TSHR: variants seen among roughly 807,000 people sequenced by gnomAD.
TSHR encodes the protein thyrotropin receptor.
TSHR carries 51 observed loss-of-function variants against 64.1 expected under a neutral mutation model. That is an observed-to-expected ratio of 0.80 (90% confidence interval 0.64 to 1.01). The LOEUF (loss-of-function observed/expected upper bound fraction) is 1.01, where lower values mean the gene tolerates loss of function less well. Ranked by LOEUF, TSHR falls within the 50% of genes least tolerant of loss-of-function variation. The probability of loss-of-function intolerance (pLI) is 0.00; values close to 1 mark genes in which losing one functional copy is unlikely to be tolerated. For synonymous variants in TSHR, 361 were observed against 361.9 expected, an observed-to-expected ratio of 1.00 and a Z score of 0.03; for missense variants, 877 against 942.8, an observed-to-expected ratio of 0.93 and a Z score of 0.91.
At chr14:81,076,596 C>T (rs539569846) in intron 3 of TSHR, among the ~76,000 whole-genome samples, 2 of 152,242 alleles carry the variant, frequency 1.3e-5, no homozygotes, top group East Asian at 3.9e-4. Context: ...TGATGCAAAT[C>T]CCAAATACCT....
intron 8 of TSHR, among the ~76,000 whole-genome samples, chr14:81,109,896 T>C (rs1890149911): frequency 6.6e-6 from 1 of 152,254 alleles, no homozygotes; most frequent in Admixed American, 6.5e-5. Flanking sequence ...TAACCTTTTC[T>C]GTGATAAAGT....
chr14:81,104,109 T>C, intron 7 of TSHR: 1 of 985,458 alleles, frequency 1.0e-6, no homozygotes, highest in Non-Finnish European at 1.2e-6. Context: ...GGATATACTC[T>C]AAGGCTGACT....
At chr14:80,999,665 G>A (rs914212754) in intron 1 of TSHR, among the ~76,000 whole-genome samples, 10 of 152,052 alleles carry the variant, frequency 6.6e-5, no homozygotes, top group African/African-American at 1.7e-4. Context: ...TTGCCAACTC[G>A]TTCTCTGGGT....
chr14:81,042,794 A>G (rs567489997), intron 1 of TSHR, among the ~76,000 whole-genome samples: 18 of 152,242 alleles, frequency 1.2e-4, no homozygotes, highest in African/African-American at 4.3e-4. Flanking sequence ...AGTGTTTTCA[A>G]TGTTCTCACA....
rs1887826294 is a variant in TSHR at position 80,975,603 on chromosome 14, C to G, written c.170+19753C>G. 2.0e-5 allele frequency among the ~76,000 whole-genome samples: 3 copies of G among 152,210 alleles called. No homozygotes were observed. The South Asian group carries it at 6.2e-4, about 32-fold the overall frequency. ...TCTGATTTTTTTACTCCCCATTCAC[C>G]ATTTAGCTTGGTGCAATCTGGCTTT... On this transcript the variant is annotated intron_variant, in intron 1 of 9. Coordinates refer to ENST00000298171, the MANE Select transcript of TSHR (RefSeq NM_000369.5).
rs575023413 is a variant in TSHR, at chr14:81,141,086, A to G, written c.881+1219A>G. 7.3e-4 allele frequency among the ~76,000 whole-genome samples: 111 copies of G among 152,364 alleles called. 1 individual carries two copies. The highest frequency in any genetic ancestry group is 1.0e-3 in the South Asian group (5 of 4,826). The stretch of plus-strand genomic sequence containing the variant: ...GGTTGCAGTGAGCCGAGATCGTGCC[A>G]GTGCACTCCAGCCTGGGCAACAAAG... On this transcript the variant is annotated intron_variant, in intron 9 of 9. Coordinates refer to ENST00000298171, the MANE Select transcript of TSHR (RefSeq NM_000369.5).
chr14:81,013,914 GGTGA>G (rs1383333405), intron 1 of TSHR: 1 of 152,054 alleles, frequency 6.6e-6, no homozygotes, highest in African/African-American at 2.4e-5. Flanking sequence ...AACCTTATGG[GGTGA>G]TGGGATTTAT....
chr14:81,063,468 A>G (rs1886382983), intron 2 of TSHR, among the ~76,000 whole-genome samples: 1 of 152,150 alleles, frequency 6.6e-6, no homozygotes, highest in South Asian at 2.1e-4. Flanking sequence ...CATATCCAAA[A>G]TAAACACATC....
At chr14:81,089,023 G>C (rs1888511746) in intron 4 of TSHR, among the ~76,000 whole-genome samples, 2 of 136,052 alleles carry the variant, frequency 1.5e-5, no homozygotes, top group Admixed American at 7.9e-5. Flanking sequence ...GTCTTGCTCT[G>C]TTGCCCCAGG....
At chr14:81,123,909 CT>C (rs1420379153) in intron 8 of TSHR, among the ~76,000 whole-genome samples, 1 of 151,930 alleles carries the variant, frequency 6.6e-6, no homozygotes, top group Non-Finnish European at 1.5e-5. Flanking sequence ...ACCTTGTTTT[CT>C]TTTTATCTTA....
chr14:81,102,159 G>C (rs1463446987), intron 7 of TSHR, among the ~76,000 whole-genome samples: 1 of 147,314 alleles, frequency 6.8e-6, no homozygotes, highest in Non-Finnish European at 1.5e-5. Flanking sequence ...GAGACTGAGA[G>C]AGACTCCATC....
chr14:81,041,605 C>T (rs887935413), intron 1 of TSHR, among the ~76,000 whole-genome samples: 20 of 152,048 alleles, frequency 1.3e-4, no homozygotes, highest in African/African-American at 4.8e-4. Context: ...ATAATCTGTA[C>T]AACAAACCCC....
chr14:81,124,508 C>T (rs1890936633), intron 8 of TSHR, among the ~76,000 whole-genome samples: 1 of 152,112 alleles, frequency 6.6e-6, no homozygotes, highest in Non-Finnish European at 1.5e-5. Flanking sequence ...CACCCCACCT[C>T]CCATAGACAT....
chr14:81,101,674 G>A (rs914370808), intron 7 of TSHR, among the ~76,000 whole-genome samples: 6 of 152,106 alleles, frequency 3.9e-5, no homozygotes, highest in African/African-American at 1.2e-4. Flanking sequence ...TGAACAGGAC[G>A]TCACCCCAAC....
chr14:81,145,616 G>A lies in TSHR; in HGVS notation c.*1263G>A, dbSNP rs550911527. 2.4e-4 allele frequency: 55 copies of A among 233,018 alleles called. 1 individual carries two copies. In the South Asian group the frequency reaches 6.7e-3, roughly 28 times the overall value. 14.4% of individuals were successfully genotyped at this position (233,018 alleles called of 1,614,324 possible). On this transcript the variant is annotated 3_prime_UTR_variant, in exon 10 of 10. Coordinates refer to ENST00000298171, the MANE Select transcript of TSHR (RefSeq NM_000369.5). Reference sequence around the variant, plus strand: ...ATGAAGAGTCACTTCAAAACACTTCGCTTGTCTTTAGGGATGATTTTTGCC... The same window carrying A: ...ATGAAGAGTCACTTCAAAACACTTCACTTGTCTTTAGGGATGATTTTTGCC...
chr14:80,957,133 G>A (rs1274394211), intron 1 of TSHR, among the ~76,000 whole-genome samples: 1 of 152,044 alleles, frequency 6.6e-6, no homozygotes. Context: ...AGCTGCCCTT[G>A]CCTTTCTTCC....
chr14:81,067,661 C>A (rs890865263), intron 2 of TSHR, among the ~76,000 whole-genome samples: 1 of 149,378 alleles, frequency 6.7e-6, no homozygotes, highest in Non-Finnish European at 1.5e-5. Context: ...ACTCATCCTT[C>A]ATAAACTCTG....
chr14:80,988,951 C>T (rs1240009507), intron 1 of TSHR, among the ~76,000 whole-genome samples: 1 of 152,206 alleles, frequency 6.6e-6, no homozygotes, highest in Non-Finnish European at 1.5e-5. Flanking sequence ...AGAATATACT[C>T]ATATCACTTG....
Position 81,144,233 on chromosome 14 carries a change from C to A in TSHR, c.2175C>A (p.Thr725=), listed in dbSNP as rs1414815539. The change falls in exon 10 of 10, where the codon ACC becomes ACA. Residue 725 remains threonine (T), a synonymous_variant. Transcript: ENST00000298171. ...NSTDIQVQKV[T]HEMRQGLHNM... is the part of the protein sequence containing the mutation. Reference sequence around the variant, plus strand: ...CTGATATTCAGGTTCAAAAGGTTACCCACGAGATGAGGCAGGGTCTCCACA... The same window carrying A: ...CTGATATTCAGGTTCAAAAGGTTACACACGAGATGAGGCAGGGTCTCCACA... 1 of 1,613,332 alleles carries A rather than the reference C, an allele frequency of 6.2e-7. No individual in the cohort carries two copies. The highest frequency in any genetic ancestry group is 2.2e-5 in the East Asian group (1 of 44,870).
Sources: allele counts gnomAD v4.1 joint callset (sites outside exome capture counted in the v4.1 genomes callset), GRCh38; gene constraint gnomAD v4.1.1; transcripts MANE v1.5; gene names NCBI Gene and HGNC (gene_info 2026-07-23, HGNC 2026-07-21).